Variants in SAMD3 observed in about 807,000 individuals in gnomAD.
SAMD3 encodes sterile alpha motif domain containing 3.
Under a neutral mutation model 58.5 loss-of-function variants are expected in SAMD3, and 63 were observed. That is an observed-to-expected ratio of 1.08 (90% CI 0.88 to 1.33). SAMD3 has a LOEUF of 1.33. Ranked by LOEUF, SAMD3 falls within the 40% of genes most tolerant of loss-of-function variation. SAMD3 has a pLI of 0.00. For synonymous variants in SAMD3, 220 were observed against 210.3 expected, an observed-to-expected ratio of 1.05 and a Z score of -0.40; for missense variants, 604 against 608.4, an observed-to-expected ratio of 0.99 and a Z score of 0.08.
chr6:130,340,080 T>C (rs1261472844), intron 1 of SAMD3, among the ~76,000 whole-genome samples: 1 of 152,232 alleles, frequency 6.6e-6, no homozygotes, highest in Non-Finnish European at 1.5e-5. Flanking sequence ...GACTTACATC[T>C]AATCTATAAT....
intron 1 of SAMD3, among the ~76,000 whole-genome samples, chr6:130,335,585 C>G (rs2115017393): frequency 6.6e-6 from 1 of 152,328 alleles, no homozygotes; most frequent in South Asian, 2.1e-4. Flanking sequence ...TATGCTTCAG[C>G]TATTAAGATA....
intron 2 of SAMD3, among the ~76,000 whole-genome samples, chr6:130,276,938 G>A (rs1774796934): frequency 6.6e-6 from 1 of 152,108 alleles, no homozygotes; most frequent in African/African-American, 2.4e-5. Flanking sequence ...CACAGGACTG[G>A]TCAAGTCATG....
At chr6:130,212,102 C>T (rs1795627101) in intron 4 of SAMD3, among the ~76,000 whole-genome samples, 2 of 151,646 alleles carry the variant, frequency 1.3e-5, no homozygotes, top group African/African-American at 4.8e-5. Flanking sequence ...CTTCTGTACA[C>T]CAAGTTTCCT....
At chr6:130,304,134 T>C in intron 2 of SAMD3, among the ~76,000 whole-genome samples, 1 of 152,196 alleles carries the variant, frequency 6.6e-6, no homozygotes, top group East Asian at 1.9e-4. Context: ...TATCCAGCTT[T>C]TTTCTTACAC....
At chr6:130,234,787 T>C (rs1168546417) in intron 2 of SAMD3, among the ~76,000 whole-genome samples, 1 of 152,208 alleles carries the variant, frequency 6.6e-6, no homozygotes, top group Non-Finnish European at 1.5e-5. Flanking sequence ...CACTCTAATC[T>C]TTATACATTT....
intron 1 of SAMD3, among the ~76,000 whole-genome samples, chr6:130,322,842 G>A (rs1036937658): frequency 2.0e-5 from 3 of 152,152 alleles, no homozygotes; most frequent in African/African-American, 4.8e-5. Context: ...TCTGTCAATC[G>A]TGGAAGCTGC....
Position 130,146,196 on chromosome 6 carries a change from A to G in SAMD3, c.1024-15T>C. ...TCTCTGAACATCTGACAAAAGAAGA[A>G]AGCAATGGATACATCAGATCACAAG... On this transcript the variant is annotated splice_polypyrimidine_tract_variant and intron_variant, in intron 9 of 11. Transcript: ENST00000439090. 6.5e-7 allele frequency: 1 copy of G among 1,541,344 alleles called. No homozygotes were observed. Among genetic ancestry groups the G allele is most frequent in the Non-Finnish European group, 8.8e-7 (1 of 1,138,788 alleles).
At position 130,280,094 on chromosome 6, in the gene SAMD3, C is replaced by A. The variant is rs193161521; in HGVS notation, c.-188+32884G>T. On this transcript the variant is annotated intron_variant, in intron 2 of 13. Coordinates refer to the SAMD3 transcript ENST00000368134. ...TTTTCCATTTCCCTCTTTCTTATCA[C>A]CAAACTCAAATGTTTTCTGTTGTGT... Among the ~76,000 whole-genome samples the A allele has an allele frequency of 1.3e-4, 20 of 152,258 alleles. No individual in the cohort carries two copies. In the East Asian group the frequency reaches 3.7e-3, roughly 28 times the overall value.
rs1554250039 is a variant in SAMD3, at chr6:130,146,186, C to T, written c.1024-5G>A. 6.4e-7 allele frequency: 1 copy of T among 1,552,892 alleles called. No homozygotes were observed. The highest frequency in any genetic ancestry group is 8.7e-7 in the Non-Finnish European group (1 of 1,150,256). On this transcript the variant is annotated splice_region_variant and splice_polypyrimidine_tract_variant and intron_variant, in intron 9 of 11. Coordinates refer to ENST00000439090, the MANE Select transcript of SAMD3 (RefSeq NM_001017373.4). ...AAGTTGGAATTCTCTGAACATCTGA[C>T]AAAAGAAGAAAGCAATGGATACATC...
chr6:130,340,808 T>G (rs1777245375), intron 1 of SAMD3, among the ~76,000 whole-genome samples: 1 of 152,256 alleles, frequency 6.6e-6, no homozygotes, highest in Non-Finnish European at 1.5e-5. Context: ...AGTGTGAGAT[T>G]TCCTGCTATT....
intron 5 of SAMD3, among the ~76,000 whole-genome samples, chr6:130,186,767 A>ATTTTTTT (rs35592601): frequency 5.6e-5 from 6 of 107,014 alleles, no homozygotes; most frequent in African/African-American, 7.6e-5. Flanking sequence ...CCTTCCTGGG[A>ATTTTTTT]TTTTTTTTTT....
chr6:130,268,961 C>T (rs1269541192), intron 2 of SAMD3, among the ~76,000 whole-genome samples: 1 of 152,126 alleles, frequency 6.6e-6, no homozygotes, highest in Non-Finnish European at 1.5e-5. Flanking sequence ...TTTAAATTTA[C>T]ATGAGGTTCC....
chr6:130,319,342 G>A (rs959235028), intron 1 of SAMD3, among the ~76,000 whole-genome samples: 3 of 151,998 alleles, frequency 2.0e-5, no homozygotes, highest in African/African-American at 7.2e-5. Context: ...GCAAAGACAC[G>A]TTATAATGAA....
intron 2 of SAMD3, among the ~76,000 whole-genome samples, chr6:130,246,972 C>T (rs933386296): frequency 3.9e-5 from 6 of 152,024 alleles, no homozygotes; most frequent in African/African-American, 1.2e-4. Flanking sequence ...ACTAAAAAGG[C>T]CTAGAAACAA....
Position 130,150,418 on chromosome 6 carries a change from G to A in SAMD3, c.1024-4237C>T, listed in dbSNP as rs529412619. Reference sequence around the variant, plus strand: ...ACCAAGAGTTGGAAATGGGAATGGCGCCGCTCACTGTAACCTCTAGTGATC... The same window carrying A: ...ACCAAGAGTTGGAAATGGGAATGGCACCGCTCACTGTAACCTCTAGTGATC... On this transcript the variant is annotated intron_variant, in intron 9 of 11. Coordinates refer to ENST00000439090, the MANE Select transcript of SAMD3 (RefSeq NM_001017373.4). 1.2e-4 allele frequency among the ~76,000 whole-genome samples: 19 copies of A among 152,306 alleles called. No homozygotes were observed. In the East Asian group the frequency reaches 2.1e-3, roughly 17 times the overall value.
Position 130,296,274 on chromosome 6 carries a change from G to A in SAMD3, c.-188+16704C>T, listed in dbSNP as rs78986158. 8.3e-3 allele frequency among the ~76,000 whole-genome samples: 1,258 copies of A among 152,296 alleles called. 9 individuals are homozygous for A. The highest frequency in any genetic ancestry group is 0.013 in the Non-Finnish European group (872 of 68,022). On this transcript the variant is annotated intron_variant, in intron 2 of 13. Coordinates refer to the SAMD3 transcript ENST00000368134. ...ATGGAAAGCTGAGAGAAGAGAACCAGGATCTGTTGGAGTGCCTATGGGAAG... is the reference window on the plus strand; with the variant it reads ...ATGGAAAGCTGAGAGAAGAGAACCAAGATCTGTTGGAGTGCCTATGGGAAG...
At chr6:130,196,833 T>C (rs1426639399) in intron 5 of SAMD3, among the ~76,000 whole-genome samples, 1 of 152,152 alleles carries the variant, frequency 6.6e-6, no homozygotes, top group Non-Finnish European at 1.5e-5. Flanking sequence ...GGTAGAGGCC[T>C]TTCCTACAGG....
chr6:130,148,610 T>C (rs1343517996), intron 9 of SAMD3, among the ~76,000 whole-genome samples: 1 of 152,202 alleles, frequency 6.6e-6, no homozygotes, highest in Non-Finnish European at 1.5e-5. Flanking sequence ...CTGTGGCTCA[T>C]GCCTATAATC....
intron 8 of SAMD3, chr6:130,162,248 C>G: frequency 5.7e-6 from 4 of 701,856 alleles, no homozygotes; most frequent in South Asian, 1.5e-5. Context: ...GAGCATAGTT[C>G]TAGCCAACTT....
Sources: allele counts gnomAD v4.1 joint callset (sites outside exome capture counted in the v4.1 genomes callset), GRCh38; gene constraint gnomAD v4.1.1; transcripts MANE v1.5; gene names NCBI Gene and HGNC (gene_info 2026-07-23, HGNC 2026-07-21).